Variants in NEK1 observed in about 807,000 individuals in gnomAD.
NEK1 encodes NIMA related kinase 1, also known as serine/threonine-protein kinase Nek1.
Under a neutral mutation model 182.1 loss-of-function variants are expected in NEK1, and 137 were observed. That is an observed-to-expected ratio of 0.75 (90% CI 0.65 to 0.87). NEK1 has a LOEUF of 0.87. NEK1 is among the 40% of genes least tolerant of loss of function. The pLI is 0.00. For missense variants in NEK1, 1,391 were observed against 1,494.4 expected (o/e 0.93, Z 1.14); for synonymous variants, 513 against 492.2 (o/e 1.04, Z -0.56).
intron 11 of NEK1, among the ~76,000 whole-genome samples, chr4:169,580,057 T>TA (rs1766359692): frequency 6.6e-6 from 1 of 152,258 alleles, no homozygotes; most frequent in African/African-American, 2.4e-5. Flanking sequence ...TAAATACATA[T>TA]ACATAGTATA....
chr4:169,415,867 G>C (rs142817137), intron 31 of NEK1, among the ~76,000 whole-genome samples: 1 of 152,164 alleles, frequency 6.6e-6, no homozygotes. Context: ...GAATGCCTTA[G>C]TATCATGATC....
At chr4:169,477,091 C>G in intron 26 of NEK1, 33 bp downstream of exon 26, 1 of 1,450,566 alleles carries the variant, frequency 6.9e-7, no homozygotes, top group Non-Finnish European at 9.4e-7. Context: ...TGTACTAGAC[C>G]TAAATAGGAT....
chr4:169,456,262 G>A (rs1024303368), intron 27 of NEK1, among the ~76,000 whole-genome samples: 2 of 152,042 alleles, frequency 1.3e-5, no homozygotes, highest in African/African-American at 4.8e-5. Context: ...CACCAAAAAA[G>A]AGGAAAAACT....
chr4:169,555,622 C>A, intron 18 of NEK1, 98 bp downstream of exon 18: 1 of 1,502,948 alleles, frequency 6.7e-7, no homozygotes, highest in South Asian at 1.1e-5. Flanking sequence ...CATATGTGAA[C>A]AATGGAGAAA....
chr4:169,529,558 AC>A, intron 19 of NEK1, among the ~76,000 whole-genome samples: 1 of 152,312 alleles, frequency 6.6e-6, no homozygotes, highest in South Asian at 2.1e-4. Context: ...CATGATCCAA[AC>A]AAAAAAATTG....
rs960143834 is a variant in NEK1 at position 169,431,771 on chromosome 4, T to TA, written c.2885+1773dup. Among the ~76,000 whole-genome samples, 54 of 109,830 alleles carry TA rather than the reference T, an allele frequency of 4.9e-4. No homozygotes were observed. In the East Asian group the frequency reaches 5.8e-3, roughly 12 times the overall value. The allele number at this position is 109,830 out of a possible 152,430, so 72.1% of individuals were successfully genotyped here. A position where few individuals can be genotyped will look rare whatever the true frequency, so the allele number is the denominator to read the frequency against. On this transcript the variant is annotated intron_variant, in intron 29 of 35. Coordinates refer to ENST00000507142, the MANE Select transcript of NEK1 (RefSeq NM_001199397.3). Reference sequence around the variant, plus strand: ...AAATTAGACTCCGTCTCCACCAAAATAAAAAAAAAAGAAAGAAAAAAAATA... The same window carrying TA: ...AAATTAGACTCCGTCTCCACCAAAATAAAAAAAAAAAGAAAGAAAAAAAATA...
intron 32 of NEK1, among the ~76,000 whole-genome samples, chr4:169,402,915 G>A (rs559263846): frequency 3.9e-5 from 6 of 152,258 alleles, no homozygotes; most frequent in African/African-American, 1.4e-4. Context: ...TGTTTTAGAT[G>A]TCTGAAGACT....
chr4:169,407,148 C>G (rs1732787116), intron 31 of NEK1, among the ~76,000 whole-genome samples: 1 of 152,134 alleles, frequency 6.6e-6, no homozygotes. Flanking sequence ...TAGAAACTAT[C>G]TGTTTTCTCC....
chr4:169,567,038 C>T (rs1324125425), intron 12 of NEK1, among the ~76,000 whole-genome samples: 1 of 150,688 alleles, frequency 6.6e-6, no homozygotes, highest in African/African-American at 2.5e-5. Flanking sequence ...TGTAGTGAGC[C>T]AAGATTGCAC....
At position 169,410,675 on chromosome 4, in the gene NEK1, C is replaced by T. The variant is rs541142709; in HGVS notation, c.3223-3928G>A. Among the ~76,000 whole-genome samples the T allele has an allele frequency of 7.9e-5, 12 of 152,240 alleles. No individual in the cohort carries two copies. In the South Asian group the frequency reaches 8.3e-4, roughly 11 times the overall value. On this transcript the variant is annotated intron_variant, in intron 31 of 35. Transcript: ENST00000507142. ...GAACACTTCCCAAAGACAAAAATTA[C>T]GGACATTATCTAATAATGGAATACT...
chr4:169,427,327 C>T (rs534215254), intron 29 of NEK1, among the ~76,000 whole-genome samples: 68 of 152,128 alleles, frequency 4.5e-4, no homozygotes, highest in Admixed American at 1.2e-3. Context: ...AGAGTTTCAT[C>T]GTGTTAGCCA....
intron 22 of NEK1, 50 bp from the exon 23 acceptor site, chr4:169,507,182 G>GTT: frequency 2.2e-5 from 19 of 852,920 alleles, no homozygotes; most frequent in East Asian, 6.3e-5. Flanking sequence ...GAAGGGCAGA[G>GTT]GTTTTTTTTT....
intron 12 of NEK1, among the ~76,000 whole-genome samples, chr4:169,570,264 C>T: frequency 6.6e-6 from 1 of 151,756 alleles, no homozygotes; most frequent in African/African-American, 2.4e-5. Flanking sequence ...GGCAACCGCC[C>T]CATCTGAGAA....
chr4:169,570,328 C>A, intron 12 of NEK1, among the ~76,000 whole-genome samples: 1 of 151,916 alleles, frequency 6.6e-6, no homozygotes. Context: ...AGGAGCGTCT[C>A]CGCCCGGCAG....
At chr4:169,598,827 T>C (rs752864759) in intron 5 of NEK1, among the ~76,000 whole-genome samples, 3 of 152,142 alleles carry the variant, frequency 2.0e-5, no homozygotes, top group Non-Finnish European at 4.4e-5. Flanking sequence ...GACTAGTCAG[T>C]TATAATGAAT....
chr4:169,428,901 T>C (rs556629984), intron 29 of NEK1, among the ~76,000 whole-genome samples: 1 of 152,294 alleles, frequency 6.6e-6, no homozygotes, highest in East Asian at 1.9e-4. Flanking sequence ...CATTAATCAA[T>C]GTTTTAGACA....
rs61735896 is a variant in NEK1, at chr4:169,508,288, T to G, written c.1793A>C (p.Asn598Thr). The G allele has an allele frequency of 1.9e-6, 3 of 1,594,726 alleles. No individual in the cohort carries two copies. Among genetic ancestry groups the G allele is most frequent in the Admixed American group, 3.5e-5 (2 of 56,764 alleles). ...RLRQIRLQNF[N>T]ERQQIKAKLR... ...TTTGGCTTTAATCTGTTGGCGCTCATTGAAATTCTGTAGTCTTATTTGCCT... is the reference window on the plus strand; with the variant it reads ...TTTGGCTTTAATCTGTTGGCGCTCAGTGAAATTCTGTAGTCTTATTTGCCT... Residue 598 changes from asparagine (N) to threonine (T), a missense_variant, in exon 21 of 36, where the codon AAT becomes ACT. By Grantham distance (65) the Asn-to-Thr change is moderately conservative (BLOSUM62 0). Around this residue, in one of 5 missense-constraint regions of NEK1, gnomAD observed 1,216 missense variants for 1,277.6 expected, o/e 0.95. Coordinates refer to ENST00000507142, the MANE Select transcript of NEK1 (RefSeq NM_001199397.3).
At chr4:169,527,023 T>C (rs1477601261) in intron 19 of NEK1, among the ~76,000 whole-genome samples, 1 of 152,146 alleles carries the variant, frequency 6.6e-6, no homozygotes, top group East Asian at 1.9e-4. Context: ...GACTTAATCA[T>C]ACTGCTGAAT....
chr4:169,535,369 T>A (rs1758306821), intron 19 of NEK1, among the ~76,000 whole-genome samples: 1 of 151,276 alleles, frequency 6.6e-6, no homozygotes, highest in Admixed American at 6.6e-5. Context: ...GGAAAACATA[T>A]AATGTCTGTA....
Sources: allele counts gnomAD v4.1 joint callset (sites outside exome capture counted in the v4.1 genomes callset), GRCh38; gene constraint gnomAD v4.1.1; regional missense constraint gnomAD v4.1.1; transcripts MANE v1.5; gene names NCBI Gene and HGNC (gene_info 2026-07-23, HGNC 2026-07-21).